Variants in ROR2 observed in about 807,000 individuals in gnomAD.
The protein encoded by ROR2 is tyrosine-protein kinase transmembrane receptor ROR2.
In ROR2, 33 loss-of-function variants were observed where a neutral mutation model predicts 74.9. The observed-to-expected ratio is 0.44, with a 90% confidence interval of 0.33 to 0.59. The LOEUF (loss-of-function observed/expected upper bound fraction) is 0.59. Ranked by LOEUF, ROR2 falls within the 20% of genes least tolerant of loss-of-function variation. The probability of loss-of-function intolerance (pLI) is 0.02; values close to 1 mark genes in which losing one functional copy is unlikely to be tolerated. For synonymous variants in ROR2, 586 were observed against 558.7 expected, an observed-to-expected ratio of 1.05 and a Z score of -0.69; for missense variants, 1,216 against 1,313.8, an observed-to-expected ratio of 0.93 and a Z score of 1.15.
intron 1 of ROR2, among the ~76,000 whole-genome samples, chr9:91,907,498 T>A (rs1485110815): frequency 2.0e-5 from 3 of 152,220 alleles, no homozygotes; most frequent in Non-Finnish European, 2.9e-5. Flanking sequence ...TCTTTCGTTA[T>A]CACTGAAGTG....
chr9:91,925,340 C>T (rs1280171788), intron 1 of ROR2, among the ~76,000 whole-genome samples: 1 of 152,148 alleles, frequency 6.6e-6, no homozygotes, highest in Non-Finnish European at 1.5e-5. Flanking sequence ...AAGATACAGC[C>T]TTCAGCCATC....
intron 7 of ROR2, among the ~76,000 whole-genome samples, chr9:91,727,395 C>A (rs565302159): frequency 1.0e-4 from 15 of 144,398 alleles, no homozygotes; most frequent in Non-Finnish European, 4.5e-5. Context: ...CAGCTACCTT[C>A]CCTGCATTTT....
At chr9:91,948,305 G>T (rs1205074913) in intron 1 of ROR2, among the ~76,000 whole-genome samples, 1 of 152,196 alleles carries the variant, frequency 6.6e-6, no homozygotes, top group East Asian at 1.9e-4. Flanking sequence ...CCAACAGCAC[G>T]TCCAGCAACG....
At chr9:91,771,849 A>C (rs945441315) in intron 2 of ROR2, among the ~76,000 whole-genome samples, 4 of 152,228 alleles carry the variant, frequency 2.6e-5, no homozygotes, top group Admixed American at 2.6e-4. Flanking sequence ...CCAAAGGTAA[A>C]GCTGTCATAT....
At chr9:91,860,932 C>T (rs1049902992) in intron 1 of ROR2, among the ~76,000 whole-genome samples, 3 of 152,002 alleles carry the variant, frequency 2.0e-5, no homozygotes, top group Non-Finnish European at 2.9e-5. Context: ...AACGAATATA[C>T]AAAAATCATT....
intron 1 of ROR2, among the ~76,000 whole-genome samples, chr9:91,938,576 T>C (rs538136633): frequency 6.6e-6 from 1 of 152,298 alleles, no homozygotes; most frequent in South Asian, 2.1e-4. Flanking sequence ...GAGCTATGAT[T>C]GTGCCACTGC....
At chr9:91,836,014 G>A (rs1043116008) in intron 1 of ROR2, among the ~76,000 whole-genome samples, 2 of 152,184 alleles carry the variant, frequency 1.3e-5, no homozygotes, top group Non-Finnish European at 2.9e-5. Flanking sequence ...CAAGGCACAT[G>A]CAAGCAATGA....
intron 4 of ROR2, among the ~76,000 whole-genome samples, chr9:91,739,032 G>A (rs924544854): frequency 2.6e-5 from 4 of 152,312 alleles, no homozygotes; most frequent in East Asian, 1.9e-4. Context: ...CAGACACATC[G>A]GGGGCTGCCA....
At chr9:91,938,772 T>C (rs1275313765) in intron 1 of ROR2, among the ~76,000 whole-genome samples, 1 of 152,230 alleles carries the variant, frequency 6.6e-6, no homozygotes, top group Non-Finnish European at 1.5e-5. Context: ...TTCCTCTATT[T>C]GCATCAGTAG....
At position 91,882,864 on chromosome 9, in the gene ROR2, T is replaced by G. The variant is rs559634893; in HGVS notation, c.97+67003A>C. ...AGGAGAAGTCACCCCTGCTGACACC[T>G]GATCTGGGACTTCCAGCCTTCAGAA... On this transcript the variant is annotated intron_variant, in intron 1 of 8. Transcript: ENST00000375708. 3.6e-4 allele frequency among the ~76,000 whole-genome samples: 55 copies of G among 152,262 alleles called. No homozygotes were observed. In the South Asian group the frequency reaches 0.011, roughly 32 times the overall value.
Position 91,941,466 on chromosome 9 carries a change from C to T in ROR2, c.97+8401G>A, listed in dbSNP as rs1831864161. 3.3e-5 allele frequency among the ~76,000 whole-genome samples: 5 copies of T among 152,320 alleles called. No individual in the cohort carries two copies. In the South Asian group the frequency reaches 1.0e-3, roughly 32 times the overall value. ...GGCTGGAGACATCAAGCCCCTTTATCCTTTAACATGGCAGCGTGTATGTCC... is the reference window on the plus strand; with the variant it reads ...GGCTGGAGACATCAAGCCCCTTTATTCTTTAACATGGCAGCGTGTATGTCC... On this transcript the variant is annotated intron_variant, in intron 1 of 8. Transcript: ENST00000375708.
intron 1 of ROR2, among the ~76,000 whole-genome samples, chr9:91,829,570 A>AAAAAAAAAAAAAAC (rs1828398073): frequency 6.6e-6 from 1 of 151,144 alleles, no homozygotes; most frequent in African/African-American, 2.4e-5. Flanking sequence ...AAAAAAAAAA[A>AAAAAAAAAAAAAAC]AAAGCACACA....
intron 1 of ROR2, among the ~76,000 whole-genome samples, chr9:91,910,371 A>G (rs567078221): frequency 6.6e-6 from 1 of 152,294 alleles, no homozygotes; most frequent in South Asian, 2.1e-4. Context: ...TCCACCCCCA[A>G]ATATCTTTGA....
chr9:91,808,888 A>G (rs1445824950), intron 1 of ROR2, among the ~76,000 whole-genome samples: 1 of 151,728 alleles, frequency 6.6e-6, no homozygotes, highest in Non-Finnish European at 1.5e-5. Flanking sequence ...CTGTAGTCCC[A>G]GCTACTCAGG....
At chr9:91,840,632 CTCAG>C (rs1246648304) in intron 1 of ROR2, among the ~76,000 whole-genome samples, 1 of 152,238 alleles carries the variant, frequency 6.6e-6, no homozygotes, top group Non-Finnish European at 1.5e-5. Context: ...CCCATACTTT[CTCAG>C]TCAGTATCTG....
At position 91,893,265 on chromosome 9, in the gene ROR2, G is replaced by C. The variant is rs547046203; in HGVS notation, c.97+56602C>G. On this transcript the variant is annotated intron_variant, in intron 1 of 8. Transcript: ENST00000375708. ...TAATCCTAGCACTTTGGGAGGCCAA[G>C]ACAGGAGAATCTAAAAATACAAAAA... Among the ~76,000 whole-genome samples, 8 of 152,130 alleles carry C rather than the reference G, an allele frequency of 5.3e-5. No individual in the cohort carries two copies. In the South Asian group the frequency reaches 1.2e-3, roughly 24 times the overall value.
intron 1 of ROR2, chr9:91,948,496 C>A (rs1433975776): frequency 1.6e-5 from 14 of 881,642 alleles, no homozygotes; most frequent in Non-Finnish European, 1.5e-5. Context: ...GTGAGATAAA[C>A]GCAAGCTCCC....
At chr9:91,896,621 A>T (rs1830544639) in intron 1 of ROR2, among the ~76,000 whole-genome samples, 1 of 152,194 alleles carries the variant, frequency 6.6e-6, no homozygotes, top group African/African-American at 2.4e-5. Flanking sequence ...GACACCAAGA[A>T]ATAAGAGACT....
intron 4 of ROR2, among the ~76,000 whole-genome samples, chr9:91,742,673 T>C (rs1825291174): frequency 1.3e-5 from 2 of 152,198 alleles, no homozygotes; most frequent in South Asian, 4.2e-4. Flanking sequence ...GGAGCTGTCA[T>C]AACACTGTAG....
Sources: gnomAD v4.1 joint callset for allele counts (sites outside exome capture counted in the v4.1 genomes callset) on GRCh38, gnomAD v4.1.1 for gene constraint, MANE v1.5 for transcripts, NCBI Gene and HGNC (gene_info 2026-07-23, HGNC 2026-07-21) for gene names.